CUBN: variants seen among roughly 807,000 people sequenced by gnomAD.
The protein encoded by CUBN is cubilin.
In CUBN, 282 loss-of-function variants were observed where a neutral mutation model predicts 405.3. That is an observed-to-expected ratio of 0.70 (90% CI 0.63 to 0.77). The LOEUF (loss-of-function observed/expected upper bound fraction) is 0.77, where lower values mean the gene tolerates loss of function less well. Ranked by LOEUF, CUBN falls within the 30% of genes least tolerant of loss-of-function variation. CUBN has a pLI of 0.00. For missense variants in CUBN, 4,514 were observed against 4,475.2 expected (o/e 1.01, Z -0.25); for synonymous variants, 1,684 against 1,617.0 (o/e 1.04, Z -0.99).
At chr10:16,881,316 A>G (rs936632150) in intron 56 of CUBN, among the ~76,000 whole-genome samples, 1 of 152,218 alleles carries the variant, frequency 6.6e-6, no homozygotes, top group Non-Finnish European at 1.5e-5. Flanking sequence ...GAAAACAGTG[A>G]AAAGGCTGTG....
At chr10:17,020,023 G>A (rs1026303079) in intron 27 of CUBN, 40 bp from the exon 28 acceptor site, 19 of 1,611,174 alleles carry the variant, frequency 1.2e-5, no homozygotes, top group Non-Finnish European at 1.4e-5. Context: ...AAAACACATG[G>A]TTTGTGGGAT....
intron 28 of CUBN, among the ~76,000 whole-genome samples, chr10:17,009,563 C>A (rs2131757604): frequency 6.6e-6 from 1 of 152,304 alleles, no homozygotes; most frequent in Non-Finnish European, 1.5e-5. Flanking sequence ...GAGGAAGCAG[C>A]CACTTAGGAG....
chr10:17,108,271 A>G (rs1836683474), intron 10 of CUBN, among the ~76,000 whole-genome samples: 2 of 152,192 alleles, frequency 1.3e-5, no homozygotes, highest in South Asian at 4.1e-4. Flanking sequence ...ACAAGCAGCT[A>G]AAATCTGGTG....
At chr10:16,922,291 T>C (rs181887669) in intron 43 of CUBN, among the ~76,000 whole-genome samples, 215 of 152,216 alleles carry the variant, frequency 1.4e-3, no homozygotes, top group African/African-American at 4.6e-3. Flanking sequence ...CTGCCTCACA[T>C]CCAACTGACC....
intron 25 of CUBN, among the ~76,000 whole-genome samples, 153 bp downstream of exon 25, chr10:17,044,854 C>T (rs375339449): frequency 1.3e-5 from 2 of 152,032 alleles, no homozygotes; most frequent in East Asian, 1.9e-4. Flanking sequence ...TCACTTTCAC[C>T]AAATTTCTTT....
At chr10:16,995,680 G>A (rs990190848) in intron 28 of CUBN, among the ~76,000 whole-genome samples, 1 of 151,970 alleles carries the variant, frequency 6.6e-6, no homozygotes, top group African/African-American at 2.4e-5. Context: ...ACAAAGACTT[G>A]GAGCTAGAAG....
intron 58 of CUBN, among the ~76,000 whole-genome samples, chr10:16,873,881 C>T (rs911182814): frequency 6.6e-6 from 1 of 152,122 alleles, no homozygotes; most frequent in Non-Finnish European, 1.5e-5. Context: ...TCCTTCTGAG[C>T]CTCAGTTTCC....
intron 33 of CUBN, among the ~76,000 whole-genome samples, chr10:16,951,386 A>G (rs1842917643): frequency 6.6e-6 from 1 of 152,234 alleles, no homozygotes; most frequent in Non-Finnish European, 1.5e-5. Context: ...CATTTTGCAG[A>G]TTACTTTTTC....
chr10:16,851,930 A>T (rs1349948316), intron 59 of CUBN, among the ~76,000 whole-genome samples: 4 of 33,120 alleles, frequency 1.2e-4, no homozygotes, highest in Admixed American at 4.1e-4. Context: ...CCCTCCCTCT[A>T]TCTTTCCCTC....
intron 4 of CUBN, 54 bp downstream of exon 4, chr10:17,126,707 G>T: frequency 6.4e-7 from 1 of 1,554,156 alleles, no homozygotes; most frequent in Non-Finnish European, 8.9e-7. Flanking sequence ...CTCTATTAAT[G>T]ATTCTAGTAT....
At chr10:16,982,885 T>C in intron 30 of CUBN, among the ~76,000 whole-genome samples, 1 of 152,296 alleles carries the variant, frequency 6.6e-6, no homozygotes, top group African/African-American at 2.4e-5. Context: ...GATGCCAAAA[T>C]TTATTTTAAA....
intron 31 of CUBN, among the ~76,000 whole-genome samples, chr10:16,978,050 C>T (rs1021007180): frequency 6.6e-6 from 1 of 152,130 alleles, no homozygotes; most frequent in African/African-American, 2.4e-5. Flanking sequence ...ACAAGATTCA[C>T]TCTCATTATT....
intron 28 of CUBN, among the ~76,000 whole-genome samples, chr10:17,010,478 TAA>T (rs1375525067): frequency 1.4e-5 from 2 of 139,094 alleles, no homozygotes. Context: ...TCAACTCTAC[TAA>T]AAAAAAAAAA....
At chr10:17,084,836 G>A (rs754965996) in intron 16 of CUBN, among the ~76,000 whole-genome samples, 21 of 152,116 alleles carry the variant, frequency 1.4e-4, no homozygotes, top group Non-Finnish European at 2.9e-4. Context: ...AAGAAAAAAT[G>A]AATACAGAAT....
chr10:16,861,243 C>A (rs543997389), intron 59 of CUBN, among the ~76,000 whole-genome samples: 13 of 151,848 alleles, frequency 8.6e-5, no homozygotes, highest in South Asian at 2.1e-4. Flanking sequence ...CTCACTGCAA[C>A]CTCTGCCTCC....
At chr10:16,834,565 C>T (rs1239331618) in intron 64 of CUBN, among the ~76,000 whole-genome samples, 1 of 152,232 alleles carries the variant, frequency 6.6e-6, no homozygotes, top group Non-Finnish European at 1.5e-5. Flanking sequence ...ATGCCCCAAA[C>T]TTACTGTAGC....
rs7070209 is a variant in CUBN at position 17,034,840 on chromosome 10, A to C, written c.4017+6193T>G. ...CACCTATGAGATGTCTTGTTCCCCC[A>C]AAAAATGTAGCATTTGTTGAATTCT... On this transcript the variant is annotated intron_variant, in intron 27 of 66. Transcript: ENST00000377833. Among the ~76,000 whole-genome samples, 72 of 152,220 alleles carry C rather than the reference A, an allele frequency of 4.7e-4. No individual in the cohort carries two copies. In the East Asian group the frequency reaches 7.5e-3, roughly 16 times the overall value.
At chr10:16,950,135 T>C in intron 33 of CUBN, 24 bp from the exon 34 acceptor site, 2 of 1,538,638 alleles carry the variant, frequency 1.3e-6, no homozygotes, top group East Asian at 2.3e-5. Flanking sequence ...GAGAAGACTC[T>C]CTCGTAAAGT....
At chr10:17,007,729 C>T (rs529398586) in intron 28 of CUBN, among the ~76,000 whole-genome samples, 1 of 152,300 alleles carries the variant, frequency 6.6e-6, no homozygotes, top group Non-Finnish European at 1.5e-5. Flanking sequence ...AAGAGCAACT[C>T]CAGGACCAGC....
Sources: gnomAD v4.1 joint callset for allele counts (sites outside exome capture counted in the v4.1 genomes callset) on GRCh38, gnomAD v4.1.1 for gene constraint, MANE v1.5 for transcripts, NCBI Gene and HGNC (gene_info 2026-07-23, HGNC 2026-07-21) for gene names.